Variants in CWC27 observed in about 807,000 individuals in gnomAD.
CWC27 encodes CWC27 spliceosome associated cyclophilin.
Under a neutral mutation model 63.6 loss-of-function variants are expected in CWC27, and 47 were observed. That is an observed-to-expected ratio of 0.74 (90% CI 0.58 to 0.94). The LOEUF (loss-of-function observed/expected upper bound fraction) is 0.94, where lower values mean the gene tolerates loss of function less well. Ranked by LOEUF, CWC27 falls within the 40% of genes least tolerant of loss-of-function variation. The probability of loss-of-function intolerance (pLI) is 0.00; values close to 1 mark genes in which losing one functional copy is unlikely to be tolerated. For missense variants in CWC27, 495 were observed against 554.3 expected (o/e 0.89, Z 1.07); for synonymous variants, 175 against 179.8 (o/e 0.97, Z 0.22).
At chr5:64,807,977 C>G in intron 10 of CWC27, 1 of 1,410,862 alleles carries the variant, frequency 7.1e-7, no homozygotes, top group Non-Finnish European at 9.2e-7. Flanking sequence ...CTAAGGCCAT[C>G]TAGTTGATAA....
intron 10 of CWC27, among the ~76,000 whole-genome samples, chr5:64,845,454 A>G (rs74570704): frequency 0.033 from 4,952 of 152,336 alleles, 127 homozygotes; most frequent in African/African-American, 0.034. Flanking sequence ...TCAGTGATGT[A>G]CAAGAATATA....
At chr5:64,800,832 A>C (rs888952678) in intron 8 of CWC27, among the ~76,000 whole-genome samples, 1 of 152,170 alleles carries the variant, frequency 6.6e-6, no homozygotes, top group African/African-American at 2.4e-5. Flanking sequence ...TCTTGGTGTT[A>C]GATGTAATAG....
chr5:64,955,734 G>GA (rs201243588), intron 11 of CWC27, among the ~76,000 whole-genome samples: 315 of 149,564 alleles, frequency 2.1e-3, no homozygotes, highest in African/African-American at 6.9e-3. Context: ...AAATAAAAAT[G>GA]AAAAAAAAAG....
intron 10 of CWC27, among the ~76,000 whole-genome samples, chr5:64,818,196 A>G (rs1046527659): frequency 6.6e-6 from 1 of 152,104 alleles, no homozygotes; most frequent in African/African-American, 2.4e-5. Flanking sequence ...TTGCTGAATC[A>G]CTTCTTTTTA....
intron 11 of CWC27, among the ~76,000 whole-genome samples, chr5:64,940,906 G>A (rs1293609137): frequency 1.4e-5 from 2 of 139,170 alleles, no homozygotes; most frequent in Admixed American, 1.6e-4. Flanking sequence ...GAGTGGAATG[G>A]CACGATCTTG....
At chr5:64,909,966 C>T (rs1007281913) in intron 11 of CWC27, among the ~76,000 whole-genome samples, 1 of 152,164 alleles carries the variant, frequency 6.6e-6, no homozygotes, top group Non-Finnish European at 1.5e-5. Context: ...AGCTTTGTTC[C>T]ATTGCTGGCA....
chr5:64,893,669 A>C (rs1747296972), intron 11 of CWC27, among the ~76,000 whole-genome samples: 1 of 152,228 alleles, frequency 6.6e-6, no homozygotes, highest in Admixed American at 6.5e-5. Context: ...AAAACTAACA[A>C]GATGCCCAAA....
Position 64,885,469 on chromosome 5 carries a change from A to G in CWC27, c.965A>G (p.Gln322Arg). The change falls in exon 11 of 14, where the codon CAA becomes CGA. Residue 322 changes from glutamine to arginine, a missense_variant. Physicochemically the swap from Gln to Arg is conservative, Grantham distance 43 (BLOSUM62 1). Coordinates refer to ENST00000381070, the MANE Select transcript of CWC27 (RefSeq NM_005869.4). Reference sequence around the variant, plus strand: ...GAAGAGCTCAGAAAAGAAGCAAGACAATTAAAACGGGAACTCTTAGCAGCA... The same window carrying G: ...GAAGAGCTCAGAAAAGAAGCAAGACGATTAAAACGGGAACTCTTAGCAGCA... ...RSEELRKEAR[Q>R]LKRELLAAKQ... 1.9e-6 allele frequency: 3 copies of G among 1,609,236 alleles called. No individual in the cohort carries two copies. Among genetic ancestry groups the G allele is most frequent in the Non-Finnish European group, 1.7e-6 (2 of 1,177,796 alleles).
chr5:64,956,278 C>G (rs751762285), intron 11 of CWC27, among the ~76,000 whole-genome samples: 3 of 152,100 alleles, frequency 2.0e-5, no homozygotes, highest in South Asian at 2.1e-4. Context: ...TGTGGCTGCT[C>G]ATTGCTTACC....
intron 2 of CWC27, among the ~76,000 whole-genome samples, chr5:64,776,593 T>G (rs1279262636): frequency 1.3e-5 from 2 of 152,100 alleles, no homozygotes; most frequent in East Asian, 1.9e-4. Flanking sequence ...TGAATAGAGA[T>G]AGAATTATTA....
chr5:65,005,017 G>A (rs1288435348), intron 13 of CWC27, among the ~76,000 whole-genome samples: 1 of 151,108 alleles, frequency 6.6e-6, no homozygotes, highest in Non-Finnish European at 1.5e-5. Flanking sequence ...CAGCTAGTCA[G>A]CTTCAGTGTT....
chr5:64,805,003 ATTTCAACTT>A (rs1272661518), intron 10 of CWC27: 1 of 152,018 alleles, frequency 6.6e-6, no homozygotes, highest in East Asian at 1.9e-4. Context: ...TTGTGATTCT[ATTTCAACTT>A]TATAGTATAC....
chr5:64,912,105 A>T (rs570529636), intron 11 of CWC27, among the ~76,000 whole-genome samples: 3 of 151,514 alleles, frequency 2.0e-5, no homozygotes, highest in Non-Finnish European at 2.9e-5. Context: ...AGAAAGAAAG[A>T]AAGTAGACAG....
At position 64,782,733 on chromosome 5, in the gene CWC27, C is replaced by T. The variant is rs139057345; in HGVS notation, c.252+700C>T. Reference sequence around the variant, plus strand: ...GTTTTTATATTAAGGGAATAGATTGCATTTTCCTTTCATCTTTTAATGAGT... The same window carrying T: ...GTTTTTATATTAAGGGAATAGATTGTATTTTCCTTTCATCTTTTAATGAGT... On this transcript the variant is annotated intron_variant, in intron 3 of 13. Coordinates refer to ENST00000381070, the MANE Select transcript of CWC27 (RefSeq NM_005869.4). Among the ~76,000 whole-genome samples the T allele has an allele frequency of 3.5e-4, 53 of 152,236 alleles. 1 individual carries two copies. The East Asian group carries it at 8.1e-3, about 23-fold the overall frequency.
chr5:64,776,589 G>C (rs1743464625), intron 2 of CWC27, among the ~76,000 whole-genome samples: 1 of 152,072 alleles, frequency 6.6e-6, no homozygotes. Flanking sequence ...TAATTGAATA[G>C]AGATAGAATT....
chr5:64,995,151 T>G (rs931772979), intron 13 of CWC27, among the ~76,000 whole-genome samples: 3 of 152,042 alleles, frequency 2.0e-5, no homozygotes, highest in Non-Finnish European at 2.9e-5. Context: ...TTTGTATTTT[T>G]AGTAGAGACA....
At chr5:64,837,276 T>G (rs1024078371) in intron 10 of CWC27, among the ~76,000 whole-genome samples, 1 of 152,130 alleles carries the variant, frequency 6.6e-6, no homozygotes. Context: ...ACACCTTTGG[T>G]GTAAAATGGC....
At chr5:64,927,130 A>G (rs910924235) in intron 11 of CWC27, among the ~76,000 whole-genome samples, 1 of 152,174 alleles carries the variant, frequency 6.6e-6, no homozygotes, top group Non-Finnish European at 1.5e-5. Context: ...GGGAAAGCTG[A>G]AAAATTTTAG....
At chr5:64,913,445 A>G (rs1747830607) in intron 11 of CWC27, among the ~76,000 whole-genome samples, 1 of 152,082 alleles carries the variant, frequency 6.6e-6, no homozygotes, top group Admixed American at 6.5e-5. Context: ...TTGCTCAGGT[A>G]CAATTATGTA....
Sources: gnomAD v4.1 joint callset for allele counts (sites outside exome capture counted in the v4.1 genomes callset) on GRCh38, gnomAD v4.1.1 for gene constraint, MANE v1.5 for transcripts, NCBI Gene and HGNC (gene_info 2026-07-23, HGNC 2026-07-21) for gene names.